The following NEBL variants were observed in gnomAD, a reference collection of about 807,000 sequenced individuals.
The protein encoded by NEBL is LIM and SH3 protein 2.
NEBL carries 122 observed loss-of-function variants against 140.2 expected under a neutral mutation model. The observed-to-expected ratio is 0.87, with a 90% CI of 0.75 to 1.01. The LOEUF is 1.01. Ranked by LOEUF, NEBL falls within the 50% of genes least tolerant of loss-of-function variation. The pLI is 0.00. For missense variants in NEBL, 1,365 were observed against 1,231.3 expected, an observed-to-expected ratio of 1.11 and a Z score of -1.62; for synonymous variants, 436 against 398.9, an observed-to-expected ratio of 1.09 and a Z score of -1.11.
At chr10:21,036,299 C>A (rs372638522) in intron 2 of NEBL, among the ~76,000 whole-genome samples, 30 of 152,110 alleles carry the variant, frequency 2.0e-4, no homozygotes, top group African/African-American at 5.8e-4. Flanking sequence ...ACAAAAAATT[C>A]TCAAATTAGC....
At chr10:20,819,291 CTCAT>C in intron 20 of NEBL, 129 bp downstream of exon 20, 1 of 1,411,648 alleles carries the variant, frequency 7.1e-7, no homozygotes, top group South Asian at 1.2e-5. Flanking sequence ...TCATTTAGCT[CTCAT>C]TATTATGCAG....
intron 3 of NEBL, among the ~76,000 whole-genome samples, chr10:21,215,772 C>T (rs1841983011): frequency 6.6e-6 from 1 of 152,288 alleles, no homozygotes; most frequent in South Asian, 2.1e-4. Flanking sequence ...TTGATCCTTC[C>T]ACCTCAGCCT....
chr10:21,033,216 G>A (rs978652580), intron 2 of NEBL, among the ~76,000 whole-genome samples: 2 of 152,106 alleles, frequency 1.3e-5, no homozygotes, highest in South Asian at 2.1e-4. Flanking sequence ...TTTGGGACTC[G>A]AGTATCTAAG....
intron 26 of NEBL, among the ~76,000 whole-genome samples, chr10:20,790,290 GT>G (rs1455932972): frequency 6.6e-6 from 1 of 151,952 alleles, no homozygotes; most frequent in Non-Finnish European, 1.5e-5. Context: ...CAATAAAAGA[GT>G]TTTTAGGGAA....
intron 2 of NEBL, among the ~76,000 whole-genome samples, chr10:21,133,545 C>T: frequency 6.6e-6 from 1 of 152,148 alleles, no homozygotes; most frequent in East Asian, 1.9e-4. Context: ...TCCTCCCCAT[C>T]TTAAACTAAG....
At chr10:21,057,586 G>T (rs1321849414) in intron 2 of NEBL, among the ~76,000 whole-genome samples, 3 of 117,520 alleles carry the variant, frequency 2.6e-5, no homozygotes, top group African/African-American at 9.8e-5. Flanking sequence ...GTCTGGCTCT[G>T]TCGCCCAGGC....
Position 21,108,467 on chromosome 10 carries a change from C to T in NEBL, c.164+63916G>A, listed in dbSNP as rs150037266. Among the ~76,000 whole-genome samples, 610 of 152,202 alleles carry T rather than the reference C, an allele frequency of 4.0e-3. 7 individuals are homozygous for T. Among genetic ancestry groups the T allele is most frequent in the African/African-American group, 0.013 (533 of 41,544 alleles). On this transcript the variant is annotated intron_variant, in intron 2 of 6. Transcript: ENST00000417816. The stretch of plus-strand genomic sequence containing the variant: ...GTTGTTCAGTTTCCACATAGTTGTG[C>T]GCTTTTGAGGGAGTTTATTAATCCT...
At chr10:20,981,874 G>A (rs1224426628) in intron 3 of NEBL, among the ~76,000 whole-genome samples, 2 of 152,160 alleles carry the variant, frequency 1.3e-5, no homozygotes, top group Non-Finnish European at 1.5e-5. Flanking sequence ...TTGCCCTAAT[G>A]CCAGTTTCAC....
At chr10:20,889,762 T>G in intron 3 of NEBL, 83 bp downstream of exon 3, 3 of 853,182 alleles carry the variant, frequency 3.5e-6, no homozygotes, top group Non-Finnish European at 6.0e-6. Context: ...ATATTATTCT[T>G]CATCTCTTTA....
intron 2 of NEBL, among the ~76,000 whole-genome samples, chr10:21,097,802 G>A (rs1837262550): frequency 6.6e-6 from 1 of 152,190 alleles, no homozygotes; most frequent in African/African-American, 2.4e-5. Flanking sequence ...AAACACGACA[G>A]GAACCGCCCA....
intron 4 of NEBL, among the ~76,000 whole-genome samples, chr10:20,943,901 G>C (rs1415529898): frequency 6.6e-6 from 1 of 152,164 alleles, no homozygotes. Flanking sequence ...CAGGGACCCA[G>C]GGCCATCTCT....
Position 21,160,707 on chromosome 10 carries a change from T to C in NEBL, c.164+11676A>G, listed in dbSNP as rs368960899. ...AGAGTTATTTTTAAAGTTCTGGAAATGTGGGAGAAAAGGCAGAACATTGAA... is the reference window on the plus strand; with the variant it reads ...AGAGTTATTTTTAAAGTTCTGGAAACGTGGGAGAAAAGGCAGAACATTGAA... On this transcript the variant is annotated intron_variant, in intron 2 of 6. Coordinates refer to the NEBL transcript ENST00000417816. 2.4e-3 allele frequency among the ~76,000 whole-genome samples: 365 copies of C among 152,094 alleles called. 1 individual carries two copies. The highest frequency in any genetic ancestry group is 8.5e-3 in the African/African-American group (354 of 41,484).
rs1838130738 is a variant in NEBL, at chr10:21,113,308, C to CAAAAAAAAAAAAAAAA, written c.164+59074_164+59075insTTTTTTTTTTTTTTTT. ...AGAATCCTAAAAAAAAAAAAAAAAC[C>CAAAAAAAAAAAAAAAA]AGGAAAAAACTCCTAAAACAGCAAA... On this transcript the variant is annotated intron_variant, in intron 2 of 6. Transcript: ENST00000417816. 3.1e-5 allele frequency: 5 copies of CAAAAAAAAAAAAAAAA among 158,872 alleles called. No individual in the cohort carries two copies. The African/African-American group carries it at 4.2e-4, about 13-fold the overall frequency. The allele number at this position is 158,872 out of a possible 1,614,324, so 9.8% of individuals were successfully genotyped here.
intron 5 of NEBL, among the ~76,000 whole-genome samples, chr10:20,874,335 AC>A (rs1194579397): frequency 6.6e-6 from 1 of 152,070 alleles, no homozygotes; most frequent in African/African-American, 2.4e-5. Flanking sequence ...CCTGCCAGAT[AC>A]CCCATCCATT....
chr10:20,835,837 T>C (rs1840836392), intron 13 of NEBL, among the ~76,000 whole-genome samples: 1 of 152,128 alleles, frequency 6.6e-6, no homozygotes, highest in South Asian at 2.1e-4. Flanking sequence ...GCTCCAAAAA[T>C]GTTTAGTATA....
At chr10:20,864,550 G>C (rs1196903616) in intron 7 of NEBL, among the ~76,000 whole-genome samples, 1 of 152,090 alleles carries the variant, frequency 6.6e-6, no homozygotes, top group Non-Finnish European at 1.5e-5. Context: ...TCATCAGACA[G>C]GTCTTATCTC....
intron 26 of NEBL, among the ~76,000 whole-genome samples, chr10:20,803,277 G>T (rs1050299436): frequency 1.2e-4 from 18 of 152,212 alleles, no homozygotes; most frequent in South Asian, 1.0e-3. Context: ...CCAATACAAA[G>T]AAATGATAAA....
intron 3 of NEBL, among the ~76,000 whole-genome samples, chr10:20,964,527 A>G (rs1836199237): frequency 6.6e-6 from 1 of 152,006 alleles, no homozygotes; most frequent in South Asian, 2.1e-4. Context: ...GGCTCTTTAA[A>G]CCAGCTCTCA....
At chr10:20,831,014 C>G in intron 16 of NEBL, 182 bp downstream of exon 16, 1 of 487,756 alleles carries the variant, frequency 2.1e-6, no homozygotes, top group Non-Finnish European at 3.9e-6. Flanking sequence ...TGCATTGAAT[C>G]TATGACTGTT....
Sources: allele counts gnomAD v4.1 joint callset (sites outside exome capture counted in the v4.1 genomes callset), GRCh38; gene constraint gnomAD v4.1.1; transcripts MANE v1.5; gene names NCBI Gene and HGNC (gene_info 2026-07-23, HGNC 2026-07-21).